Variants in ANK3 observed in about 807,000 individuals in gnomAD.
ANK3 encodes ankyrin-3.
Under a neutral mutation model 370.9 loss-of-function variants are expected in ANK3, and 57 were observed. That is an observed-to-expected ratio of 0.15 (90% CI 0.12 to 0.19). The LOEUF (loss-of-function observed/expected upper bound fraction) is 0.19. Among genes scored for constraint, ANK3 ranks in the 10% least tolerant of loss-of-function variants. The pLI, the probability that ANK3 is intolerant of heterozygous loss-of-function variation, is 1.00. For missense variants in ANK3, 4,439 were observed against 5,302.1 expected, an observed-to-expected ratio of 0.84 and a Z score of 5.06; for synonymous variants, 1,929 against 1,946.3, an observed-to-expected ratio of 0.99 and a Z score of 0.23.
At chr10:60,152,855 A>G (rs1302214860) in intron 23 of ANK3, among the ~76,000 whole-genome samples, 1 of 152,058 alleles carries the variant, frequency 6.6e-6, no homozygotes, top group Non-Finnish European at 1.5e-5. Flanking sequence ...ATTGCTTTCT[A>G]TATATTCTTT....
At chr10:60,043,045 T>G in intron 42 of ANK3, 52 of 1,155,848 alleles carry the variant, frequency 4.5e-5, no homozygotes, top group Non-Finnish European at 5.5e-5. Context: ...TTTCCTATAG[T>G]AAGCTAAAAG....
intron 2 of ANK3, among the ~76,000 whole-genome samples, chr10:60,483,763 CA>C (rs1256005691): frequency 2.6e-5 from 4 of 152,168 alleles, no homozygotes; most frequent in Non-Finnish European, 4.4e-5. Flanking sequence ...GGGCCCATGT[CA>C]GCTACACACT....
chr10:60,419,331 G>A (rs1184231437), intron 2 of ANK3, among the ~76,000 whole-genome samples: 1 of 152,030 alleles, frequency 6.6e-6, no homozygotes, highest in Non-Finnish European at 1.5e-5. Flanking sequence ...AAATTTAAAT[G>A]ATCTCAGAGG....
intron 2 of ANK3, among the ~76,000 whole-genome samples, chr10:60,469,064 AG>A (rs2065092821): frequency 9.3e-4 from 2 of 2,160 alleles, no homozygotes; most frequent in Non-Finnish European, 1.7e-3. Context: ...TACCACTTTT[AG>A]TATATATATA....
intron 1 of ANK3, among the ~76,000 whole-genome samples, chr10:60,670,990 C>T (rs2079058280): frequency 6.6e-6 from 1 of 152,148 alleles, no homozygotes; most frequent in African/African-American, 2.4e-5. Flanking sequence ...GGTGAAAAGT[C>T]ATTGAAGCCA....
intron 2 of ANK3, among the ~76,000 whole-genome samples, chr10:60,396,489 A>G (rs1028760743): frequency 2.0e-5 from 3 of 152,232 alleles, no homozygotes; most frequent in Admixed American, 2.0e-4. Flanking sequence ...GGTAACACTT[A>G]TCTCTTAAAC....
chr10:60,126,882 C>T (rs2093790731), intron 25 of ANK3, among the ~76,000 whole-genome samples: 2 of 152,112 alleles, frequency 1.3e-5, no homozygotes, highest in South Asian at 4.1e-4. Context: ...TGTGGTTGTT[C>T]CTACCAGGTT....
chr10:60,249,958 G>A (rs2132599102), intron 7 of ANK3, among the ~76,000 whole-genome samples: 1 of 152,232 alleles, frequency 6.6e-6, no homozygotes, highest in Middle Eastern at 3.4e-3. Context: ...AGACAAATGG[G>A]GGCCTCACTG....
intron 1 of ANK3, among the ~76,000 whole-genome samples, chr10:60,638,642 C>T (rs954040144): frequency 3.3e-5 from 5 of 151,784 alleles, no homozygotes; most frequent in African/African-American, 1.2e-4. Context: ...ATTCTCAAGC[C>T]TATAAAGGAA....
At chr10:60,082,034 G>T (rs181068919) in intron 35 of ANK3, 116 bp downstream of exon 35, 31 of 740,306 alleles carry the variant, frequency 4.2e-5, no homozygotes, top group East Asian at 3.5e-4. Flanking sequence ...ACCTACTTAA[G>T]ACCTGAAAAA....
chr10:60,169,152 A>G (rs1201054226), intron 21 of ANK3, among the ~76,000 whole-genome samples: 2 of 152,134 alleles, frequency 1.3e-5, no homozygotes, highest in Non-Finnish European at 2.9e-5. Flanking sequence ...ACTAATTTAC[A>G]TGCCCACCAA....
At position 60,570,801 on chromosome 10, in the gene ANK3, A is replaced by G. The variant is rs7921556; in HGVS notation, c.96+44385T>C. On this transcript the variant is annotated intron_variant, in intron 2 of 43. Transcript: ENST00000373827. ...ATTGTGCTCTGAGCAGGATAACCTC[A>G]TATGAGGAGACATGGAACACAGCTG... 8.5e-3 allele frequency among the ~76,000 whole-genome samples: 1,301 copies of G among 152,250 alleles called. 20 individuals are homozygous for G. Among genetic ancestry groups the G allele is most frequent in the African/African-American group, 0.03 (1,242 of 41,542 alleles).
intron 25 of ANK3, among the ~76,000 whole-genome samples, chr10:60,129,331 T>C (rs528373163): frequency 1.6e-4 from 25 of 152,326 alleles, no homozygotes; most frequent in East Asian, 1.4e-3. Flanking sequence ...GGTAATTCCA[T>C]TGGGCACCCC....
chr10:60,647,523 T>C (rs1403932284), intron 1 of ANK3, among the ~76,000 whole-genome samples: 1 of 152,044 alleles, frequency 6.6e-6, no homozygotes, highest in African/African-American at 2.4e-5. Flanking sequence ...TATAACAAAA[T>C]TTAAACACAA....
At chr10:60,143,385 C>T (rs555953320) in intron 23 of ANK3, among the ~76,000 whole-genome samples, 3 of 152,200 alleles carry the variant, frequency 2.0e-5, no homozygotes, top group African/African-American at 4.8e-5. Context: ...TTCTCTAATC[C>T]ACTATATAAT....
At position 60,262,578 on chromosome 10, in the gene ANK3, C is replaced by T. The variant is rs564774385; in HGVS notation, c.700-621G>A. ...CCTTAAAAAATGCTAAAACATGCAG[C>T]GATTCACTTAGTCCCCAAAGATTGA... On this transcript the variant is annotated intron_variant, in intron 6 of 43. Transcript: ENST00000280772. 2.2e-4 allele frequency among the ~76,000 whole-genome samples: 34 copies of T among 152,290 alleles called. No homozygotes were observed. In the East Asian group the frequency reaches 3.9e-3, roughly 17 times the overall value.
intron 4 of ANK3, among the ~76,000 whole-genome samples, chr10:60,276,851 C>A (rs969670415): frequency 6.6e-5 from 10 of 152,172 alleles, no homozygotes. Context: ...CCTAAAACTA[C>A]CTAGCCACAT....
intron 2 of ANK3, among the ~76,000 whole-genome samples, chr10:60,536,233 A>G (rs2076721140): frequency 6.6e-6 from 1 of 152,176 alleles, no homozygotes; most frequent in African/African-American, 2.4e-5. Flanking sequence ...GTGATCACTG[A>G]TTTTATAATT....
At position 60,493,680 on chromosome 10, in the gene ANK3, A is replaced by C. The variant is rs142298825; in HGVS notation, c.96+121506T>G. Among the ~76,000 whole-genome samples, 486 of 152,102 alleles carry C rather than the reference A, an allele frequency of 3.2e-3. 2 individuals carry two copies. The highest frequency in any genetic ancestry group is 0.011 in the African/African-American group (452 of 41,512). ...CCCACATCTCTATATAGCCAACCCC[A>C]AAAAATGGGTTGGCTATATAGAGAT... is the stretch of plus-strand genomic sequence containing the variant. On this transcript the variant is annotated intron_variant, in intron 2 of 43. Transcript: ENST00000373827.
Sources: allele counts gnomAD v4.1 joint callset (sites outside exome capture counted in the v4.1 genomes callset), GRCh38; gene constraint gnomAD v4.1.1; transcripts MANE v1.5; gene names NCBI Gene and HGNC (gene_info 2026-07-23, HGNC 2026-07-21).